The following RBM33 variants were observed in gnomAD, a reference collection of about 807,000 sequenced individuals.
The protein encoded by RBM33 is RNA-binding protein 33.
Under a neutral mutation model 132.6 loss-of-function variants are expected in RBM33, and 28 were observed. The observed-to-expected ratio is 0.21, with a 90% confidence interval of 0.16 to 0.29. The LOEUF (loss-of-function observed/expected upper bound fraction) is 0.29, where lower values mean the gene tolerates loss of function less well. RBM33 is among the 10% of genes least tolerant of loss of function. The pLI is 1.00. For synonymous variants in RBM33, 634 were observed against 593.0 expected (o/e 1.07, Z -1.01); for missense variants, 1,291 against 1,518.5 (o/e 0.85, Z 2.49).
At chr7:155,667,531 C>G (rs1798832811) in intron 2 of RBM33, among the ~76,000 whole-genome samples, 1 of 152,160 alleles carries the variant, frequency 6.6e-6, no homozygotes, top group Non-Finnish European at 1.5e-5. Context: ...TCATACATTG[C>G]ATTTTTCTTT....
intron 3 of RBM33, among the ~76,000 whole-genome samples, chr7:155,673,940 G>GTTGTTTTTTGTTTTTTTTTTTTT: frequency 3.7e-5 from 2 of 54,214 alleles, no homozygotes; most frequent in African/African-American, 1.7e-4. Flanking sequence ...TTTAGGCTTA[G>GTTGTTTTTTGTTTTTTTTTTTTT]TTTTTTTTTT....
chr7:155,719,653 C>T (rs1800565169), intron 9 of RBM33, among the ~76,000 whole-genome samples: 1 of 152,068 alleles, frequency 6.6e-6, no homozygotes, highest in African/African-American at 2.4e-5. Context: ...GATCCATTAC[C>T]CAAGGCTGAC....
chr7:155,742,224 T>A, intron 13 of RBM33, 118 bp downstream of exon 13: 8 of 924,096 alleles, frequency 8.7e-6, no homozygotes, highest in South Asian at 2.0e-5. Context: ...TTTTTTCACC[T>A]GGGTCTTTTT....
chr7:155,705,978 G>T (rs1168147584), intron 6 of RBM33, among the ~76,000 whole-genome samples: 1 of 152,186 alleles, frequency 6.6e-6, no homozygotes, highest in East Asian at 1.9e-4. Flanking sequence ...AAATTGAAAT[G>T]ATATGTATTA....
At chr7:155,755,015 C>G (rs1027601220) in intron 14 of RBM33, among the ~76,000 whole-genome samples, 21 of 152,214 alleles carry the variant, frequency 1.4e-4, no homozygotes, top group Non-Finnish European at 5.9e-5. Flanking sequence ...CTTTTACCCC[C>G]TCTTCTTTAA....
intron 15 of RBM33, among the ~76,000 whole-genome samples, 184 bp downstream of exon 15, chr7:155,764,202 T>A (rs1267609817): frequency 6.6e-6 from 1 of 152,202 alleles, no homozygotes; most frequent in East Asian, 1.9e-4. Context: ...TTTCCTCTCC[T>A]GACTTATTTC....
chr7:155,707,292 A>C (rs1321990908), intron 7 of RBM33: 2 of 651,110 alleles, frequency 3.1e-6, no homozygotes, highest in Non-Finnish European at 5.8e-6. Context: ...CCTGTACCAC[A>C]GATACTTCCA....
At chr7:155,661,399 T>C (rs1798646366) in intron 1 of RBM33, among the ~76,000 whole-genome samples, 2 of 149,328 alleles carry the variant, frequency 1.3e-5, no homozygotes, top group East Asian at 1.9e-4. Context: ...TTTTTTTTTT[T>C]TCTTTCTTTT....
At chr7:155,688,735 C>G (rs1456045370) in intron 5 of RBM33, among the ~76,000 whole-genome samples, 1 of 151,630 alleles carries the variant, frequency 6.6e-6, no homozygotes, top group Non-Finnish European at 1.5e-5. Context: ...TTGAGATAAT[C>G]GTGGTTTTTG....
intron 5 of RBM33, among the ~76,000 whole-genome samples, chr7:155,690,279 A>G (rs1176034509): frequency 6.6e-6 from 1 of 152,154 alleles, no homozygotes; most frequent in Non-Finnish European, 1.5e-5. Flanking sequence ...TTTATCAGAG[A>G]GTAGGATTGT....
intron 3 of RBM33, among the ~76,000 whole-genome samples, chr7:155,675,774 A>T (rs977953750): frequency 6.6e-6 from 1 of 152,164 alleles, no homozygotes; most frequent in Admixed American, 6.5e-5. Flanking sequence ...CTGAGGGTGG[A>T]AACATTTAAT....
At chr7:155,740,463 T>G (rs138340261) in intron 12 of RBM33, among the ~76,000 whole-genome samples, 11 of 152,372 alleles carry the variant, frequency 7.2e-5, no homozygotes, top group Non-Finnish European at 1.2e-4. Flanking sequence ...TTGACTGTTC[T>G]GTTGCCAGGT....
Position 155,707,349 on chromosome 7 carries a change from G to C in RBM33, c.948+281G>C, listed in dbSNP as rs752994155. On this transcript the variant is annotated intron_variant, in intron 7 of 17. Transcript: ENST00000401878. ...CTGATGCCCTAAGATGACATAAGCT[G>C]TTGGACCTTGCTACCTAAAGCCTCT... 10 of 564,082 alleles carry C rather than the reference G, an allele frequency of 1.8e-5. 1 individual carries two copies. The highest frequency in any genetic ancestry group is 1.5e-4 in the South Asian group (10 of 65,390). The allele number at this position is 564,082 out of a possible 1,614,324, so 34.9% of individuals were successfully genotyped here. A position where few individuals can be genotyped will look rare whatever the true frequency, so the allele number is the denominator to read the frequency against.
intron 5 of RBM33, among the ~76,000 whole-genome samples, chr7:155,686,914 A>G (rs1392228841): frequency 6.6e-6 from 1 of 152,146 alleles, no homozygotes; most frequent in Non-Finnish European, 1.5e-5. Flanking sequence ...AGTCTTTGCT[A>G]TTGTGAATAG....
chr7:155,682,945 T>C (rs2116927017), intron 5 of RBM33, among the ~76,000 whole-genome samples: 1 of 152,164 alleles, frequency 6.6e-6, no homozygotes, highest in South Asian at 2.1e-4. Flanking sequence ...GGCAATTTAA[T>C]AATACTCACG....
intron 14 of RBM33, among the ~76,000 whole-genome samples, chr7:155,756,548 A>G (rs1234781326): frequency 6.6e-6 from 1 of 152,220 alleles, no homozygotes; most frequent in African/African-American, 2.4e-5. Flanking sequence ...ATCCTGCCAT[A>G]TAAATTGGGC....
chr7:155,699,666 A>G (rs544765104), intron 5 of RBM33, among the ~76,000 whole-genome samples: 1 of 152,304 alleles, frequency 6.6e-6, no homozygotes, highest in South Asian at 2.1e-4. Flanking sequence ...CCTGCTGTTC[A>G]GGCATTTGCT....
intron 9 of RBM33, among the ~76,000 whole-genome samples, chr7:155,727,903 A>G (rs578038816): frequency 6.6e-6 from 1 of 152,152 alleles, no homozygotes; most frequent in African/African-American, 2.4e-5. Context: ...AGCTGGGACT[A>G]CAGGTGTGTC....
intron 9 of RBM33, among the ~76,000 whole-genome samples, chr7:155,719,600 G>A (rs1800563426): frequency 6.6e-6 from 1 of 151,982 alleles, no homozygotes; most frequent in Non-Finnish European, 1.5e-5. Context: ...ATATTTATTG[G>A]GTATCTATTT....
Sources: gnomAD v4.1 joint callset for allele counts (sites outside exome capture counted in the v4.1 genomes callset) on GRCh38, gnomAD v4.1.1 for gene constraint, MANE v1.5 for transcripts, NCBI Gene and HGNC (gene_info 2026-07-23, HGNC 2026-07-21) for gene names.